Variants in ATP9A observed in about 807,000 individuals in gnomAD.
ATP9A encodes probable phospholipid-transporting ATPase IIA.
ATP9A carries 52 observed loss-of-function variants against 144.1 expected under a neutral mutation model. The observed-to-expected ratio is 0.36, with a 90% CI of 0.29 to 0.45. The LOEUF (loss-of-function observed/expected upper bound fraction) is 0.45, where lower values mean the gene tolerates loss of function less well. ATP9A is among the 20% of genes least tolerant of loss of function. The pLI is 1.00. For synonymous variants in ATP9A, 582 were observed against 557.4 expected, an observed-to-expected ratio of 1.04 and a Z score of -0.62; for missense variants, 947 against 1,392.7, an observed-to-expected ratio of 0.68 and a Z score of 5.09.
At chr20:51,612,788 C>T (rs1392420715) in intron 23 of ATP9A, among the ~76,000 whole-genome samples, 1 of 152,118 alleles carries the variant, frequency 6.6e-6, no homozygotes, top group Admixed American at 6.6e-5. Flanking sequence ...CTCTAGAATC[C>T]TTTTATGAAA....
chr20:51,759,610 T>C (rs2077870597), intron 1 of ATP9A, among the ~76,000 whole-genome samples: 1 of 151,938 alleles, frequency 6.6e-6, no homozygotes, highest in Non-Finnish European at 1.5e-5. Context: ...GAGGCAGAGG[T>C]TGCAGTGAGC....
chr20:51,610,996 C>G (rs1450601047), intron 23 of ATP9A, among the ~76,000 whole-genome samples: 1 of 152,164 alleles, frequency 6.6e-6, no homozygotes, highest in Admixed American at 6.6e-5. Flanking sequence ...AGGCTTGAAG[C>G]TCTGTTAGCT....
intron 24 of ATP9A, among the ~76,000 whole-genome samples, chr20:51,609,846 C>G (rs2077178267): frequency 6.6e-6 from 1 of 152,116 alleles, no homozygotes; most frequent in South Asian, 2.1e-4. Flanking sequence ...TTTTCAAGAC[C>G]AGGTACAAAT....
intron 3 of ATP9A, among the ~76,000 whole-genome samples, chr20:51,721,947 A>C (rs933064954): frequency 2.0e-5 from 3 of 152,204 alleles, no homozygotes; most frequent in Non-Finnish European, 4.4e-5. Flanking sequence ...CTCTACTATA[A>C]GGCCATAGTC....
chr20:51,659,853 G>C (rs995571646), intron 13 of ATP9A, among the ~76,000 whole-genome samples: 1 of 152,198 alleles, frequency 6.6e-6, no homozygotes, highest in African/African-American at 2.4e-5. Context: ...GGGACACAGC[G>C]CTCTGCCTTC....
chr20:51,653,329 T>C (rs765967640), intron 14 of ATP9A, among the ~76,000 whole-genome samples: 26 of 152,114 alleles, frequency 1.7e-4, no homozygotes, highest in African/African-American at 6.0e-4. Flanking sequence ...GAAAGATTTA[T>C]CCTCATGGAA....
At chr20:51,698,821 C>T (rs112491133) in intron 4 of ATP9A, among the ~76,000 whole-genome samples, 5 of 152,234 alleles carry the variant, frequency 3.3e-5, no homozygotes, top group African/African-American at 1.2e-4. Context: ...TTCAGCAAGA[C>T]GTAAAGCATC....
At chr20:51,700,332 G>C (rs190324743) in intron 4 of ATP9A, among the ~76,000 whole-genome samples, 18 of 152,204 alleles carry the variant, frequency 1.2e-4, no homozygotes, top group African/African-American at 3.9e-4. Flanking sequence ...ACCAGCCTAG[G>C]CAACATAGCA....
chr20:51,709,439 C>T (rs755779818), intron 4 of ATP9A, among the ~76,000 whole-genome samples: 23 of 151,906 alleles, frequency 1.5e-4, no homozygotes, highest in African/African-American at 4.6e-4. Flanking sequence ...CGCTTCAACC[C>T]GGGAGGCAGA....
chr20:51,631,861 G>A (rs1031836992), intron 15 of ATP9A, among the ~76,000 whole-genome samples: 4 of 152,106 alleles, frequency 2.6e-5, no homozygotes, highest in African/African-American at 4.8e-5. Flanking sequence ...GACATCACAC[G>A]AGTCCTTCTC....
chr20:51,620,759 C>T (rs953826365), intron 19 of ATP9A, among the ~76,000 whole-genome samples: 4 of 152,228 alleles, frequency 2.6e-5, no homozygotes, highest in East Asian at 3.9e-4. Flanking sequence ...ACTGCAAAAA[C>T]GACACTGGTT....
At chr20:51,766,950 C>G (rs548749975) in intron 1 of ATP9A, among the ~76,000 whole-genome samples, 1 of 152,050 alleles carries the variant, frequency 6.6e-6, no homozygotes, top group African/African-American at 2.4e-5. Flanking sequence ...TGCAGTCTTC[C>G]CTATAGCCCT....
chr20:51,724,763 C>T (rs142895616), intron 3 of ATP9A, among the ~76,000 whole-genome samples: 2 of 152,244 alleles, frequency 1.3e-5, no homozygotes, highest in Admixed American at 6.5e-5. Flanking sequence ...GAAAAGGAGG[C>T]GAGGGAAGGA....
intron 11 of ATP9A, 90 bp downstream of exon 11, chr20:51,674,063 T>C: frequency 1.4e-6 from 2 of 1,421,446 alleles, no homozygotes; most frequent in Non-Finnish European, 1.9e-6. Flanking sequence ...AAAACAATAA[T>C]AATAATAAAA....
chr20:51,731,371 A>C (rs868866693), intron 1 of ATP9A, among the ~76,000 whole-genome samples: 1 of 152,118 alleles, frequency 6.6e-6, no homozygotes, highest in Non-Finnish European at 1.5e-5. Context: ...AGGATTTAAG[A>C]AAATAAATAT....
intron 3 of ATP9A, among the ~76,000 whole-genome samples, chr20:51,723,563 C>CT (rs753282602): frequency 0.17 from 22,568 of 131,798 alleles, 2,413 homozygotes; most frequent in East Asian, 0.33. Flanking sequence ...ACAGCAAATT[C>CT]TTTTTTTTTT....
chr20:51,733,762 C>T (rs1333663765), intron 1 of ATP9A, among the ~76,000 whole-genome samples: 1 of 151,646 alleles, frequency 6.6e-6, no homozygotes, highest in East Asian at 2.0e-4. Flanking sequence ...CAGCCTCAAA[C>T]TCCTGGGCTG....
At chr20:51,710,746 C>T (rs1201349687) in intron 4 of ATP9A, among the ~76,000 whole-genome samples, 1 of 152,158 alleles carries the variant, frequency 6.6e-6, no homozygotes, top group Non-Finnish European at 1.5e-5. Context: ...ATGCTAGAGC[C>T]ATCTGCCAAT....
intron 13 of ATP9A, among the ~76,000 whole-genome samples, chr20:51,664,744 G>A (rs1051165163): frequency 1.3e-5 from 2 of 151,658 alleles, no homozygotes; most frequent in African/African-American, 2.4e-5. Flanking sequence ...CTTTTGAGAG[G>A]AGTCTCCCTC....
Sources: allele counts gnomAD v4.1 joint callset (sites outside exome capture counted in the v4.1 genomes callset), GRCh38; gene constraint gnomAD v4.1.1; transcripts MANE v1.5; gene names NCBI Gene and HGNC (gene_info 2026-07-23, HGNC 2026-07-21).